Variants in CRYBA4 observed in about 807,000 individuals in gnomAD.
The protein encoded by CRYBA4 is beta-crystallin A4.
In CRYBA4, 30 loss-of-function variants were observed where a neutral mutation model predicts 31.7. The ratio of observed to expected loss-of-function variants is 0.95; its 90% CI spans 0.71 to 1.28. CRYBA4 has a LOEUF of 1.28. Among genes scored for constraint, CRYBA4 ranks in the 50% most tolerant of loss-of-function variants. The pLI is 0.00. For missense variants in CRYBA4, 225 were observed against 260.7 expected (o/e 0.86, Z 0.94); for synonymous variants, 102 against 102.3 (o/e 1.00, Z 0.02).
At chr22:26,591,511 T>C in the CRYBA4 span, among the ~76,000 whole-genome samples, 1 of 147,358 alleles carries the variant, frequency 6.8e-6, no homozygotes, top group Non-Finnish European at 1.5e-5. Flanking sequence ...GGGAGGCCGA[T>C]GCGGGTGGAT....
chr22:26,610,308 C>T, the CRYBA4 span, among the ~76,000 whole-genome samples: 1 of 152,126 alleles, frequency 6.6e-6, no homozygotes, highest in African/African-American at 2.4e-5. Context: ...AGGCAGGCCT[C>T]CTCACTTTCC....
intron 2 of CRYBA4, 77 bp downstream of exon 2, chr22:26,622,712 C>A: frequency 9.3e-7 from 1 of 1,074,736 alleles, no homozygotes; most frequent in Non-Finnish European, 1.4e-6. Flanking sequence ...AGGAGGGGGG[C>A]ATTATAAATG....
the CRYBA4 span, among the ~76,000 whole-genome samples, chr22:26,610,397 C>G: frequency 1.3e-5 from 2 of 152,176 alleles, no homozygotes; most frequent in Admixed American, 6.5e-5. Context: ...CCCCGGACCA[C>G]AGGCCCGTTT....
chr22:26,618,037 G>C (rs1465798846), upstream of CRYBA4: 1 of 153,074 alleles, frequency 6.5e-6, no homozygotes, highest in Non-Finnish European at 1.5e-5. Context: ...TGGGTGACTA[G>C]AGTCCGACCC....
At chr22:26,623,448 C>T (rs1394299068) in intron 3 of CRYBA4, 96 bp downstream of exon 3, 5 of 944,488 alleles carry the variant, frequency 5.3e-6, no homozygotes, top group Admixed American at 1.8e-5. Context: ...GTCCCCTCTC[C>T]CTAGGCTCTT....
chr22:26,625,414 A>G (rs1159938416), intron 3 of CRYBA4, 67 bp from the exon 4 acceptor site: 11 of 1,577,052 alleles, frequency 7.0e-6, no homozygotes, highest in South Asian at 5.6e-5. Context: ...TCTAGACCCA[A>G]TTGCTGGTCT....
At chr22:26,599,549 C>T in the CRYBA4 span, 2 of 1,614,138 alleles carry the variant, frequency 1.2e-6, no homozygotes, top group East Asian at 2.2e-5. Context: ...CACTGCTTGT[C>T]ACGCAGGCGA....
chr22:26,614,947 A>T, the CRYBA4 span, among the ~76,000 whole-genome samples: 2 of 152,326 alleles, frequency 1.3e-5, no homozygotes, highest in Admixed American at 1.3e-4. Flanking sequence ...GGTTGAGGAT[A>T]GGACAGTATT....
chr22:26,619,279 G>A (rs896656385), upstream of CRYBA4, among the ~76,000 whole-genome samples: 1 of 152,116 alleles, frequency 6.6e-6, no homozygotes, highest in Admixed American at 6.5e-5. Context: ...AGCGAGAGAC[G>A]GAGAGACAGA....
chr22:26,607,560 GAAA>G, the CRYBA4 span, among the ~76,000 whole-genome samples: 6 of 116,298 alleles, frequency 5.2e-5, no homozygotes, highest in South Asian at 2.8e-4. Flanking sequence ...CCATCTTTGG[GAAA>G]AAAAAAAAAA....
intron 4 of CRYBA4, 41 bp from the exon 5 acceptor site, chr22:26,628,247 C>T: frequency 1.2e-6 from 2 of 1,613,586 alleles, no homozygotes; most frequent in Non-Finnish European, 1.7e-6. Context: ...GGGTTTCCAA[C>T]TGGGAGCCTG....
Position 26,630,588 on chromosome 22 carries a change from T to C in CRYBA4, c.*101T>C. On this transcript the variant is annotated 3_prime_UTR_variant, in exon 6 of 6. Coordinates refer to ENST00000354760, the MANE Select transcript of CRYBA4 (RefSeq NM_001886.3). ...TCCTTCTGCCTCCCCCTGTAACCTG[T>C]GTGAACCCAGCACCCATGTGAACTG... The C allele has an allele frequency of 9.7e-7, 1 of 1,035,290 alleles. No homozygotes were observed. Among genetic ancestry groups the C allele is most frequent in the Non-Finnish European group, 1.4e-6 (1 of 690,506 alleles). The allele number at this position is 1,035,290 out of a possible 1,614,324, so 64.1% of individuals were successfully genotyped here. A position where few individuals can be genotyped will look rare whatever the true frequency, so the allele number is the denominator to read the frequency against.
chr22:26,627,871 C>T (rs1426363898), intron 4 of CRYBA4, among the ~76,000 whole-genome samples: 1 of 152,138 alleles, frequency 6.6e-6, no homozygotes, highest in Non-Finnish European at 1.5e-5. Flanking sequence ...TGGTCTTGAA[C>T]TCCTGACCTC....
chr22:26,599,668 A>G, the CRYBA4 span: 4 of 1,613,846 alleles, frequency 2.5e-6, no homozygotes, highest in Admixed American at 1.7e-5. Context: ...CTGATAGCCA[A>G]CCCATCTGAG....
At chr22:26,606,324 C>T in the CRYBA4 span, among the ~76,000 whole-genome samples, 8 of 152,278 alleles carry the variant, frequency 5.3e-5, no homozygotes, top group Admixed American at 3.9e-4. Context: ...ATTATAATTT[C>T]AATATGTAAC....
chr22:26,621,935 G>A (rs1929543505), upstream of CRYBA4: 1 of 985,498 alleles, frequency 1.0e-6, no homozygotes, highest in South Asian at 4.7e-5. Flanking sequence ...CTGCCTATAA[G>A]AGCCCGACCT....
intron 4 of CRYBA4, among the ~76,000 whole-genome samples, chr22:26,626,425 A>C (rs528020520): frequency 2.3e-4 from 35 of 152,304 alleles, no homozygotes; most frequent in African/African-American, 7.9e-4. Context: ...AAACAAAAAA[A>C]CAAAAACAAA....
Position 26,622,615 on chromosome 22 carries a change from A to G in CRYBA4, c.19A>G (p.Lys7Glu). The change falls in exon 2 of 6, where the codon AAG (lysine) becomes GAG (glutamate). Residue 7 changes from lysine (K) to glutamate (E), a missense_variant. Coordinates refer to ENST00000354760, the MANE Select transcript of CRYBA4 (RefSeq NM_001886.3). MTLQCT[K>E]SAGPWKMVVW... is the part of the protein sequence containing the mutation. ...GGCCACAATGACCCTGCAATGCACAAAGTCAGCGGGACCCTGGAAGGTAGG... is the reference window on the plus strand; with the variant it reads ...GGCCACAATGACCCTGCAATGCACAGAGTCAGCGGGACCCTGGAAGGTAGG... 1 of 1,613,204 alleles carries G rather than the reference A, an allele frequency of 6.2e-7. No homozygotes were observed.
chr22:26,629,235 C>T (rs1279366297), intron 5 of CRYBA4, among the ~76,000 whole-genome samples: 1 of 151,630 alleles, frequency 6.6e-6, no homozygotes, highest in Non-Finnish European at 1.5e-5. Flanking sequence ...CCCTTGGCTC[C>T]TGGTAGGCAG....
Sources: allele counts gnomAD v4.1 joint callset (sites outside exome capture counted in the v4.1 genomes callset), GRCh38; gene constraint gnomAD v4.1.1; transcripts MANE v1.5; gene names NCBI Gene and HGNC (gene_info 2026-07-23, HGNC 2026-07-21).